Variants in MUC3A observed in about 807,000 individuals in gnomAD.
The protein encoded by MUC3A is mucin-3A.
MUC3A carries 109 observed loss-of-function variants against 109.0 expected under a neutral mutation model. The ratio of observed to expected loss-of-function variants is 1.00; its 90% CI spans 0.86 to 1.17. The LOEUF is 1.17. MUC3A is among the 50% of genes most tolerant of loss of function. The pLI is 0.00. For missense variants in MUC3A, 3,537 were observed against 2,469.4 expected, an observed-to-expected ratio of 1.43 and a Z score of -9.16; for synonymous variants, 1,398 against 981.4, an observed-to-expected ratio of 1.42 and a Z score of -7.93.
chr7:100,958,005 T>C lies in MUC3A; in HGVS notation c.6226T>C (p.Tyr2076His). The C allele has an allele frequency of 3.5e-6, 3 of 867,578 alleles. No individual in the cohort carries two copies. Among genetic ancestry groups the C allele is most frequent in the Admixed American group, 1.7e-5 (1 of 59,032 alleles). The allele number at this position is 867,578 out of a possible 1,614,324, so 53.7% of individuals were successfully genotyped here. A position where few individuals can be genotyped will look rare whatever the true frequency, so the allele number is the denominator to read the frequency against. The change falls in exon 2 of 12, where the codon TAC becomes CAC. Residue 2076 changes from tyrosine to histidine, a missense_variant. Coordinates refer to ENST00000379458, the MANE Select transcript of MUC3A (RefSeq NM_005960.2). ...GATCACCTCACACAGTACTCTCAGC[T>C]ACACTACCTCAATCACCACCACCGA... ...TEITSHSTLS[Y>H]TTSITTTETP...
intron 1 of MUC3A, among the ~76,000 whole-genome samples, chr7:100,950,773 G>A (rs530648413): frequency 3.9e-5 from 6 of 152,304 alleles, no homozygotes; most frequent in Admixed American, 6.5e-5. Context: ...TGAATCCCAC[G>A]GCCAAAAGGG....
At chr7:100,949,807 T>C (rs1791884552) in intron 1 of MUC3A, 122 bp downstream of exon 1, 3 of 949,854 alleles carry the variant, frequency 3.2e-6, no homozygotes, top group Non-Finnish European at 4.4e-6. Context: ...CTTGGGGCTC[T>C]GGGTGCAGGG....
Position 100,957,660 on chromosome 7 carries a change from T to C in MUC3A, c.5881T>C (p.Ser1961Pro), listed in dbSNP as rs1365987414. 11 of 1,351,700 alleles carry C rather than the reference T, an allele frequency of 8.1e-6. No individual in the cohort carries two copies. Among genetic ancestry groups the C allele is most frequent in the Non-Finnish European group, 9.5e-6 (10 of 1,050,650 alleles). 83.7% of individuals were successfully genotyped at this position (1,351,700 alleles called of 1,614,324 possible). The part of the protein sequence containing the change: ...TSHSSPSFTS[S>P]ITTTETTSHN... ...ACACAGCTCTCCCAGCTTCACTTCTTCGATCACCACCACCGAGACCACATC... is the reference window on the plus strand; with the variant it reads ...ACACAGCTCTCCCAGCTTCACTTCTCCGATCACCACCACCGAGACCACATC... The change falls in exon 2 of 12, where the codon TCG (serine) becomes CCG (proline). Residue 1961 changes from serine (S) to proline (P), a missense_variant. Physicochemically the swap from Ser to Pro is moderately conservative, Grantham distance 74 (BLOSUM62 -1). Coordinates refer to ENST00000379458, the MANE Select transcript of MUC3A (RefSeq NM_005960.2).
chr7:100,964,768 G>T lies in MUC3A; in HGVS notation c.9307G>T (p.Glu3103Ter). 6.3e-7 allele frequency: 1 copy of T among 1,598,488 alleles called. No homozygotes were observed. Among genetic ancestry groups the T allele is most frequent in the Non-Finnish European group, 8.5e-7 (1 of 1,179,778 alleles). The change falls in exon 6 of 12, where the codon GAG becomes TAG. Residue 3103 changes from glutamate to a stop codon, truncating the protein, a stop_gained. Coordinates refer to ENST00000379458, the MANE Select transcript of MUC3A (RefSeq NM_005960.2). LOFTEE classifies it high-confidence loss of function. ...PFSPQLESEY[E>*]QVKTTLKEGL... Reference sequence around the variant, plus strand: ...CAGCCCCCAGCTGGAGAGCGAGTATGAGCAGGTGAAGACCACGCTGAAGGA... The same window carrying T: ...CAGCCCCCAGCTGGAGAGCGAGTATTAGCAGGTGAAGACCACGCTGAAGGA...
In MUC3A at chr7:100,960,612, A is replaced by G. The variant is rs1792293284; in HGVS notation, c.8833A>G (p.Met2945Val). 1.3e-6 allele frequency: 2 copies of G among 1,598,506 alleles called. No individual in the cohort carries two copies. The highest frequency in any genetic ancestry group is 1.7e-6 in the Non-Finnish European group (2 of 1,179,688). The change falls in exon 2 of 12, where the codon ATG (methionine) becomes GTG (valine). Residue 2945 changes from methionine to valine, a missense_variant. Physicochemically the swap from Met to Val is conservative, Grantham distance 21 (BLOSUM62 1). Transcript: ENST00000379458. ...CAGGACAACTCGCATCACTTCTCAG[A>G]TGACCACACAGTCCACGTTGACCAC... The part of the protein sequence containing the change: ...SRRTTRITSQ[M>V]TTQSTLTTTA...
At position 100,958,846 on chromosome 7, in the gene MUC3A, C is replaced by T. The variant is rs750260558; in HGVS notation, c.7067C>T (p.Thr2356Ile). The T allele has an allele frequency of 6.9e-6, 11 of 1,590,458 alleles. No homozygotes were observed. The highest frequency in any genetic ancestry group is 1.7e-5 in the Admixed American group (1 of 59,608). Reference sequence around the variant, plus strand: ...ACCGAGACCAACTCTCACAGTACTACCAGCTTCACTTCTTCGATCACCACC... The same window carrying T: ...ACCGAGACCAACTCTCACAGTACTATCAGCTTCACTTCTTCGATCACCACC... ...TTTETNSHST[T>I]SFTSSITTTE... The change falls in exon 2 of 12, where the codon ACC becomes ATC. Residue 2356 changes from threonine (T) to isoleucine (I), a missense_variant. Transcript: ENST00000379458.
chr7:100,949,730 T>C, intron 1 of MUC3A, 45 bp downstream of exon 1: 1 of 1,462,536 alleles, frequency 6.8e-7, no homozygotes, highest in Non-Finnish European at 9.0e-7. Context: ...GCTCCTGATG[T>C]GATGTTCCAG....
chr7:100,963,850 TAA>T, intron 5 of MUC3A, 98 bp downstream of exon 5: 1 of 1,510,078 alleles, frequency 6.6e-7, no homozygotes, highest in South Asian at 1.2e-5. Context: ...TCAGATTTTA[TAA>T]AGAGGGGTGG....
chr7:100,966,852 G>T (rs750083042), intron 10 of MUC3A, 47 bp from the exon 11 acceptor site: 3 of 1,598,316 alleles, frequency 1.9e-6, no homozygotes, highest in Non-Finnish European at 2.5e-6. Context: ...TCTCCCTTCC[G>T]TCCCCTCCCT....
chr7:100,957,444 A>G lies in MUC3A; in HGVS notation c.5665A>G (p.Thr1889Ala), dbSNP rs1383783789. ...LLTTVTATVP[T>A]TNLVTTTTKI... is the part of the protein sequence containing the mutation. ...CACCACAGTAACAGCCACAGTTCCA[A>G]CAACAAACTTGGTAACCACGACCAC... The change falls in exon 2 of 12, where the codon ACA becomes GCA. Residue 1889 changes from threonine (T) to alanine (A), a missense_variant. Transcript: ENST00000379458. 39 of 1,178,118 alleles carry G rather than the reference A, an allele frequency of 3.3e-5. No individual in the cohort carries two copies. Among genetic ancestry groups the G allele is most frequent in the Non-Finnish European group, 4.3e-5 (37 of 866,806 alleles). The allele number at this position is 1,178,118 out of a possible 1,614,324, so 73.0% of individuals were successfully genotyped here.
At chr7:100,965,252 C>A in intron 6 of MUC3A, 30 bp from the exon 7 acceptor site, 1 of 1,596,752 alleles carries the variant, frequency 6.3e-7, no homozygotes, top group Non-Finnish European at 8.5e-7. Context: ...ATCTGCCCCG[C>A]CCATTCCATC....
rs756117644 is a variant in MUC3A, at chr7:100,959,669, T to C, written c.7890T>C (p.Pro2630=). The part of the protein sequence containing the change: ...LSTIVSTSQV[P]IPSTHSSTLQ... ...CGATCGTGTCAACATCACAGGTTCC[T>C]ATTCCTAGCACACATTCCTCCACCC... is the stretch of plus-strand genomic sequence containing the variant. The change falls in exon 2 of 12, where the codon CCT becomes CCC. Residue 2630 remains proline (P), a synonymous_variant. Transcript: ENST00000379458. The C allele has an allele frequency of 1.9e-6, 3 of 1,598,520 alleles. No individual in the cohort carries two copies. Among genetic ancestry groups the C allele is most frequent in the East Asian group, 2.2e-5 (1 of 44,892 alleles).
chr7:100,952,252 C>A lies in MUC3A; in HGVS notation c.473C>A (p.Thr158Asn), dbSNP rs779255587. The stretch of plus-strand genomic sequence containing the variant: ...CAGGTGGCCTTCACCAGCTCTTACA[C>A]CTCGACTCCCGTGACACAGAAGCCA... ...TTQVAFTSSY[T>N]STPVTQKPVT... The change falls in exon 2 of 12, where the codon ACC becomes AAC. Residue 158 changes from threonine to asparagine, a missense_variant. By Grantham distance (65) the Thr-to-Asn change is moderately conservative. Coordinates refer to ENST00000379458, the MANE Select transcript of MUC3A (RefSeq NM_005960.2). 3 of 1,598,512 alleles carry A rather than the reference C, an allele frequency of 1.9e-6. No homozygotes were observed. Among genetic ancestry groups the A allele is most frequent in the East Asian group, 2.2e-5 (1 of 44,890 alleles).
chr7:100,963,069 C>T (rs1792392715), intron 3 of MUC3A, 82 bp from the exon 4 acceptor site: 1 of 1,472,798 alleles, frequency 6.8e-7, no homozygotes, highest in African/African-American at 1.4e-5. Context: ...GCAGGAGGAG[C>T]CTGTGGGTTG....
chr7:100,967,673 T>G lies in MUC3A; in HGVS notation c.*511T>G, dbSNP rs1183707619. 4.5e-6 allele frequency: 1 copy of G among 220,770 alleles called. No homozygotes were observed. The highest frequency in any genetic ancestry group is 9.0e-6 in the Non-Finnish European group (1 of 110,498). The allele number at this position is 220,770 out of a possible 1,614,324, so 13.7% of individuals were successfully genotyped here. On this transcript the variant is annotated 3_prime_UTR_variant, in exon 12 of 12. Transcript: ENST00000379458. ...TGCAGCCCCATCCCATCTCCTGCCC[T>G]CTCCTGATCTAACTCCCTGCTGCAT...
In MUC3A at chr7:100,960,905, G is replaced by T. The variant is rs28420153; in HGVS notation, c.9020G>T (p.Ser3007Ile). The change falls in exon 3 of 12, where the codon AGT (serine) becomes ATT (isoleucine). Residue 3007 changes from serine (S) to isoleucine (I), a missense_variant. By Grantham distance (142) the Ser-to-Ile change is moderately radical. Coordinates refer to ENST00000379458, the MANE Select transcript of MUC3A (RefSeq NM_005960.2). ...CQCPSTFYGS[S>I]CEFAVEQVDL... ...TGCCCCAGCACCTTCTATGGTTCCAGTTGTGAGTTTGCTGTGGAACAGGTG... is the reference window on the plus strand; with the variant it reads ...TGCCCCAGCACCTTCTATGGTTCCATTTGTGAGTTTGCTGTGGAACAGGTG... 3.4e-5 allele frequency: 54 copies of T among 1,598,520 alleles called. No individual in the cohort carries two copies. The African/African-American group carries it at 6.1e-4, about 18-fold the overall frequency.
At chr7:100,963,942 C>G in intron 5 of MUC3A, 190 bp downstream of exon 5, 1 of 786,416 alleles carries the variant, frequency 1.3e-6, no homozygotes, top group Admixed American at 2.3e-5. Flanking sequence ...AGGGGTGGCA[C>G]CTCTCTTCTT....
chr7:100,950,864 A>T, intron 1 of MUC3A, among the ~76,000 whole-genome samples: 1 of 152,304 alleles, frequency 6.6e-6, no homozygotes, highest in Non-Finnish European at 1.5e-5. Flanking sequence ...ATCACGCCTG[A>T]CTGCTGAGGT....
chr7:100,962,263 A>C lies in MUC3A; in HGVS notation c.9053-888A>C, dbSNP rs1407648791. On this transcript the variant is annotated intron_variant, in intron 3 of 11. Coordinates refer to ENST00000379458, the MANE Select transcript of MUC3A (RefSeq NM_005960.2). ...AAAAAAAAAAAAAAAAAAAAAAAAA[A>C]AAAACTTACCTGGGCATGGTGGCTC... is the stretch of plus-strand genomic sequence containing the variant. Among the ~76,000 whole-genome samples, 68 of 140,550 alleles carry C rather than the reference A, an allele frequency of 4.8e-4. 6 individuals carry two copies. The highest frequency in any genetic ancestry group is 1.7e-3 in the African/African-American group (63 of 37,138). The allele number at this position is 140,550 out of a possible 152,430, so 92.2% of individuals were successfully genotyped here.
Sources: gnomAD v4.1 joint callset for allele counts (sites outside exome capture counted in the v4.1 genomes callset) on GRCh38, gnomAD v4.1.1 for gene constraint, MANE v1.5 for transcripts, NCBI Gene and HGNC (gene_info 2026-07-23, HGNC 2026-07-21) for gene names.